PTDSS2: variants seen among roughly 807,000 people sequenced by gnomAD.
PTDSS2 encodes PSS-2.
A neutral mutation model predicts 64.7 loss-of-function variants in PTDSS2; 41 were observed. That is an observed-to-expected ratio of 0.63 (90% CI 0.49 to 0.82). The LOEUF is 0.82. PTDSS2 is among the 40% of genes least tolerant of loss of function. The pLI, the probability that PTDSS2 is intolerant of heterozygous loss-of-function variation, is 0.00. For missense variants in PTDSS2, 485 were observed against 650.0 expected (o/e 0.75, Z 2.76); for synonymous variants, 297 against 277.8 (o/e 1.07, Z -0.69).
chr11:453,647 A>C (rs1418982665), intron 1 of PTDSS2, among the ~76,000 whole-genome samples: 1 of 152,174 alleles, frequency 6.6e-6, no homozygotes, highest in Non-Finnish European at 1.5e-5. Context: ...AGCCAGATGA[A>C]GTCTTTCTGG....
Position 488,563 on chromosome 11 carries a change from G to C in PTDSS2, c.770G>C (p.Gly257Ala). 6.2e-7 allele frequency: 1 copy of C among 1,613,608 alleles called. No homozygotes were observed. Among genetic ancestry groups the C allele is most frequent in the Non-Finnish European group, 8.5e-7 (1 of 1,179,992 alleles). The stretch of plus-strand genomic sequence containing the variant: ...GACGTGCTCGTCTGCAACGGGCTGG[G>C]CATCTACTGCGGCATGAAGACCCTT... Reference protein sequence around the residue: ...IMDVLVCNGLGIYCGMKTLEW... With the variant: ...IMDVLVCNGLAIYCGMKTLEW... Residue 257 changes from glycine (G) to alanine (A), a missense_variant, in exon 8 of 12, where the codon GGC becomes GCC. This residue lies in a region of PTDSS2 where 251 missense variants were observed against 348.0 expected (regional missense o/e 0.72). Transcript: ENST00000308020.
At position 476,188 on chromosome 11, in the gene PTDSS2, G is replaced by A. The variant is rs964086544; in HGVS notation, c.367+2211G>A. On this transcript the variant is annotated intron_variant, in intron 3 of 11. Transcript: ENST00000308020. The surrounding 1 kb of genome is among the most constrained non-coding windows in gnomAD (Gnocchi z 4.9). ...CCACTCTGCTGGCTGACAGCTGTGT[G>A]GGAAGGGCCCAGGGCCCTGTCTGCC... 3.3e-5 allele frequency among the ~76,000 whole-genome samples: 5 copies of A among 152,186 alleles called. No homozygotes were observed. Among genetic ancestry groups the A allele is most frequent in the African/African-American group, 4.8e-5 (2 of 41,456 alleles).
chr11:466,196 T>G (rs899685878), intron 2 of PTDSS2, among the ~76,000 whole-genome samples: 1 of 152,142 alleles, frequency 6.6e-6, no homozygotes, highest in Non-Finnish European at 1.5e-5. Flanking sequence ...TAACATGGTC[T>G]ATTAGTCTGT....
At chr11:471,639 C>T (rs1443136958) in intron 2 of PTDSS2, among the ~76,000 whole-genome samples, 1 of 145,794 alleles carries the variant, frequency 6.9e-6, no homozygotes, top group Non-Finnish European at 1.5e-5. Flanking sequence ...GGAGGGCGGC[C>T]TGGGGTGACA....
intron 2 of PTDSS2, among the ~76,000 whole-genome samples, chr11:467,475 G>T (rs147177687): frequency 1.3e-5 from 2 of 152,266 alleles, no homozygotes; most frequent in African/African-American, 4.8e-5. Flanking sequence ...ATATATTCTT[G>T]GGCTGGACGT....
intron 4 of PTDSS2, among the ~76,000 whole-genome samples, chr11:484,058 G>A (rs968776391): frequency 6.6e-6 from 1 of 152,258 alleles, no homozygotes; most frequent in Admixed American, 6.5e-5. Flanking sequence ...CTTGTGCATG[G>A]GAGAGATCCT....
At chr11:466,498 C>A (rs1847148321) in intron 2 of PTDSS2, among the ~76,000 whole-genome samples, 1 of 150,324 alleles carries the variant, frequency 6.7e-6, no homozygotes, top group African/African-American at 2.5e-5. Context: ...ACCTCCGCTT[C>A]CTGGGTTCAA....
intron 2 of PTDSS2, among the ~76,000 whole-genome samples, chr11:465,236 A>G (rs1219303392): frequency 1.3e-5 from 2 of 152,156 alleles, no homozygotes; most frequent in Non-Finnish European, 2.9e-5. Flanking sequence ...TGTCACCCAC[A>G]CTGGAGTGCA....
At position 489,923 on chromosome 11, in the gene PTDSS2, G is replaced by A; in HGVS notation, c.1156G>A (p.Ala386Thr). Reference sequence around the variant, plus strand: ...GCTGGGCCCGCAGGCCTGGCTGGTGGCGGCCATCACGGCCACGGAGCTGCT... The same window carrying A: ...GCTGGGCCCGCAGGCCTGGCTGGTGACGGCCATCACGGCCACGGAGCTGCT... ...KKLGPQAWLV[A>T]AITATELLIV... is the part of the protein sequence containing the mutation. The change falls in exon 11 of 12, where the codon GCG (alanine) becomes ACG (threonine). Residue 386 changes from alanine to threonine, a missense_variant. Transcript: ENST00000308020. The A allele has an allele frequency of 2.5e-6, 4 of 1,604,424 alleles. No individual in the cohort carries two copies. Among genetic ancestry groups the A allele is most frequent in the Non-Finnish European group, 3.4e-6 (4 of 1,177,548 alleles).
In PTDSS2 at chr11:489,375, AGGCTGCC is replaced by A. The variant is rs1293394329; in HGVS notation, c.855-20_855-14del. 1 of 1,601,428 alleles carries A rather than the reference AGGCTGCC, an allele frequency of 6.2e-7. No individual in the cohort carries two copies. The highest frequency in any genetic ancestry group is 1.3e-5 in the African/African-American group (1 of 74,616). Reference sequence around the variant, plus strand: ...CAGGGTTCGGTGGGCTGCCTTCCTCAGGCTGCCGGCTCTGTGGTTCCCAGGGGCAAGA... The same window carrying A: ...CAGGGTTCGGTGGGCTGCCTTCCTCAGGCTCTGTGGTTCCCAGGGGCAAGA... On this transcript the variant is annotated intron_variant, in intron 8 of 11. Coordinates refer to ENST00000308020, the MANE Select transcript of PTDSS2 (RefSeq NM_030783.3).
chr11:467,732 C>G (rs1446513524), intron 2 of PTDSS2, among the ~76,000 whole-genome samples: 2 of 152,064 alleles, frequency 1.3e-5, no homozygotes, highest in Admixed American at 6.6e-5. Context: ...GACTCTGTCT[C>G]AAAAAATATA....
rs1014268100 is a variant in PTDSS2, at chr11:470,306, C to G, written c.285-3589C>G. On this transcript the variant is annotated intron_variant, in intron 2 of 11. Coordinates refer to ENST00000308020, the MANE Select transcript of PTDSS2 (RefSeq NM_030783.3). This position sits in a 1 kb window ranked among gnomAD's most constrained non-coding sequence, Gnocchi z 5.3. ...CCTCCCAACCCCGACGACCCCAGCC[C>G]GGCCATGCAGAGGCATAGTCGACCA... Among the ~76,000 whole-genome samples, 1 of 152,212 alleles carries G rather than the reference C, an allele frequency of 6.6e-6. No individual in the cohort carries two copies. The highest frequency in any genetic ancestry group is 1.5e-5 in the Non-Finnish European group (1 of 68,034).
intron 6 of PTDSS2, among the ~76,000 whole-genome samples, chr11:487,917 G>A (rs1312616262): frequency 6.6e-6 from 1 of 152,200 alleles, no homozygotes; most frequent in African/African-American, 2.4e-5. Flanking sequence ...CCCACCCCAC[G>A]CTCACCCTGA....
chr11:475,444 TTGTG>T (rs1323863945), intron 3 of PTDSS2, among the ~76,000 whole-genome samples: 2 of 150,084 alleles, frequency 1.3e-5, no homozygotes, highest in Non-Finnish European at 3.0e-5. Flanking sequence ...ATTCACGCGT[TTGTG>T]TGATACGGAT....
chr11:460,491 C>G lies in PTDSS2; in HGVS notation c.284+203C>G, dbSNP rs543870077. 1.8e-6 allele frequency: 1 copy of G among 550,980 alleles called. No homozygotes were observed. Among genetic ancestry groups the G allele is most frequent in the Non-Finnish European group, 3.3e-6 (1 of 305,096 alleles). The allele number at this position is 550,980 out of a possible 1,614,324, so 34.1% of individuals were successfully genotyped here. A position where few individuals can be genotyped will look rare whatever the true frequency, so the allele number is the denominator to read the frequency against. On this transcript the variant is annotated intron_variant, in intron 2 of 11. Coordinates refer to ENST00000308020, the MANE Select transcript of PTDSS2 (RefSeq NM_030783.3). This position sits in a 1 kb window ranked among gnomAD's most constrained non-coding sequence, Gnocchi z 5.8. The stretch of plus-strand genomic sequence containing the variant: ...CTGCGTGGCGTTCCCGGTCAGCCCC[C>G]GTCGCCTGTCACTGGGAGCCAGGAG...
intron 7 of PTDSS2, 41 bp from the exon 8 acceptor site, chr11:488,488 T>C: frequency 1.3e-6 from 2 of 1,556,098 alleles, no homozygotes; most frequent in East Asian, 2.2e-5. Flanking sequence ...GGGGGCTCGT[T>C]ACCCCTCACC....
chr11:468,908 A>C (rs1429714162), intron 2 of PTDSS2, among the ~76,000 whole-genome samples: 4 of 133,170 alleles, frequency 3.0e-5, no homozygotes, highest in Non-Finnish European at 4.7e-5. Flanking sequence ...GGGTAATCGG[A>C]GGGAGGAGGG....
At chr11:471,743 AGATGGTGGCCTGGGGTGACGCG>A (rs1847453408) in intron 2 of PTDSS2, among the ~76,000 whole-genome samples, 2 of 75,644 alleles carry the variant, frequency 2.6e-5, no homozygotes, top group Admixed American at 1.4e-4. Flanking sequence ...GGGGTGACGC[AGATGGTGGCCTGGGGTGACGCG>A]GATGGCGGCC....
At chr11:464,446 C>T (rs1291497858) in intron 2 of PTDSS2, among the ~76,000 whole-genome samples, 1 of 152,022 alleles carries the variant, frequency 6.6e-6, no homozygotes, top group Non-Finnish European at 1.5e-5. Flanking sequence ...CAGAGTGCCT[C>T]ACCCCGGCTC....
Sources: gnomAD v4.1 joint callset for allele counts (sites outside exome capture counted in the v4.1 genomes callset) on GRCh38, gnomAD v4.1.1 for gene constraint, gnomAD v4.1.1 regional missense constraint, Gnocchi (gnomAD v3.1) non-coding constraint, MANE v1.5 for transcripts, NCBI Gene and HGNC (gene_info 2026-07-23, HGNC 2026-07-21) for gene names.